GABRR3: variants seen among roughly 807,000 people sequenced by gnomAD.
The protein encoded by GABRR3 is gamma-aminobutyric acid receptor subunit rho-3.
In GABRR3, 29 loss-of-function variants were observed where a neutral mutation model predicts 43.2. That is an observed-to-expected ratio of 0.67 (90% CI 0.50 to 0.92). The LOEUF is 0.92. Among genes scored for constraint, GABRR3 ranks in the 40% least tolerant of loss-of-function variants. GABRR3 has a pLI of 0.00. For missense variants in GABRR3, 576 were observed against 572.3 expected (o/e 1.01, Z -0.07); for synonymous variants, 206 against 195.9 (o/e 1.05, Z -0.43).
At chr3:97,993,645 A>T (rs942086363) in intron 8 of GABRR3, among the ~76,000 whole-genome samples, 3 of 152,172 alleles carry the variant, frequency 2.0e-5, no homozygotes, top group African/African-American at 7.2e-5. Flanking sequence ...TAAGTGTGCT[A>T]GTAGGGGTTC....
intron 5 of GABRR3, 34 bp from the exon 6 acceptor site, chr3:98,009,072 T>G: frequency 2.4e-5 from 32 of 1,348,498 alleles, no homozygotes; most frequent in Non-Finnish European, 3.0e-5. Flanking sequence ...AAACTGCAGA[T>G]CATTTAACCA....
chr3:98,007,989 G>A (rs1559777127), intron 6 of GABRR3, 85 bp from the exon 7 acceptor site: 2 of 1,100,380 alleles, frequency 1.8e-6, no homozygotes, highest in East Asian at 2.6e-5. Context: ...ATGTGGCTCT[G>A]TATCCTTAGT....
chr3:98,021,295 CAG>C (rs1416377881), intron 3 of GABRR3, among the ~76,000 whole-genome samples: 2 of 152,216 alleles, frequency 1.3e-5, no homozygotes, highest in Non-Finnish European at 2.9e-5. Flanking sequence ...AACGCAGAAT[CAG>C]AGTTTGGGAG....
intron 2 of GABRR3, among the ~76,000 whole-genome samples, chr3:98,029,526 T>G (rs1391479394): frequency 6.6e-6 from 1 of 152,114 alleles, no homozygotes; most frequent in Non-Finnish European, 1.5e-5. Flanking sequence ...ATAAGTGGAA[T>G]GATAAAAAAT....
intron 9 of GABRR3, among the ~76,000 whole-genome samples, chr3:97,989,114 A>C (rs1706428280): frequency 7.0e-6 from 1 of 141,904 alleles, no homozygotes; most frequent in African/African-American, 2.7e-5. Flanking sequence ...ACGGTGGTAG[A>C]TGGTGGTGTT....
At chr3:98,004,111 C>T (rs77157470) in intron 7 of GABRR3, among the ~76,000 whole-genome samples, 1,934 of 152,092 alleles carry the variant, frequency 0.013, 42 homozygotes, top group African/African-American at 0.045. Context: ...AGTCCCAAGA[C>T]AAGAATAAAG....
intron 3 of GABRR3, among the ~76,000 whole-genome samples, chr3:98,024,745 G>C (rs1053386050): frequency 2.0e-5 from 3 of 152,218 alleles, no homozygotes; most frequent in Admixed American, 6.5e-5. Context: ...CTCCATCAAT[G>C]AAAGAAGAAT....
At chr3:98,012,305 A>G in intron 5 of GABRR3, 39 bp downstream of exon 5, 2 of 1,469,896 alleles carry the variant, frequency 1.4e-6, no homozygotes, top group Non-Finnish European at 1.9e-6. Flanking sequence ...AGATGGCTGC[A>G]GTACAGGGAA....
chr3:98,017,154 A>T (rs1209395781), intron 4 of GABRR3, among the ~76,000 whole-genome samples: 1 of 152,162 alleles, frequency 6.6e-6, no homozygotes, highest in Non-Finnish European at 1.5e-5. Context: ...GAGTAGACAA[A>T]TTTTTAATTA....
At position 98,020,482 on chromosome 3, in the gene GABRR3, G is replaced by GAAA. The variant is rs1209493201; in HGVS notation, c.239-2763_239-2761dup. Among the ~76,000 whole-genome samples the GAAA allele has an allele frequency of 1.3e-4, 16 of 119,476 alleles. No homozygotes were observed. The Admixed American group carries it at 1.3e-3, about 10-fold the overall frequency. The allele number at this position is 119,476 out of a possible 152,430, so 78.4% of individuals were successfully genotyped here. On this transcript the variant is annotated intron_variant, in intron 3 of 9. Transcript: ENST00000621172. ...CAAAAAAAAAAAAAAAAAAGGAAAA[G>GAAA]AAAAAGATACAGTGCTTCTCATCAT...
intron 8 of GABRR3, chr3:97,997,814 T>G (rs1353962094): frequency 6.6e-6 from 1 of 152,244 alleles, no homozygotes; most frequent in Non-Finnish European, 1.5e-5. Context: ...CATGAAATTT[T>G]ATATTTCACA....
chr3:98,026,760 G>A (rs909121278), intron 2 of GABRR3, among the ~76,000 whole-genome samples: 2 of 151,960 alleles, frequency 1.3e-5, no homozygotes, highest in Non-Finnish European at 2.9e-5. Flanking sequence ...AATTCACATC[G>A]GAAACCAATG....
At chr3:98,018,613 C>G (rs571004564) in intron 3 of GABRR3, among the ~76,000 whole-genome samples, 1 of 152,046 alleles carries the variant, frequency 6.6e-6, no homozygotes, top group Non-Finnish European at 1.5e-5. Context: ...TTTAGTTTTG[C>G]GATGGAAATT....
chr3:97,997,934 G>A (rs1706584475), intron 8 of GABRR3: 1 of 152,090 alleles, frequency 6.6e-6, no homozygotes, highest in Admixed American at 6.6e-5. Context: ...GCACTTTCAT[G>A]GAGCTAAATT....
intron 9 of GABRR3, among the ~76,000 whole-genome samples, chr3:97,989,117 G>C (rs1260799638): frequency 2.0e-5 from 3 of 151,164 alleles, no homozygotes; most frequent in African/African-American, 7.3e-5. Context: ...GTGGTAGATG[G>C]TGGTGTTGGA....
intron 2 of GABRR3, among the ~76,000 whole-genome samples, chr3:98,030,424 T>C (rs527874022): frequency 3.9e-5 from 6 of 152,284 alleles, no homozygotes; most frequent in East Asian, 3.9e-4. Context: ...ATGGTGTCTA[T>C]GAAGCAATGT....
chr3:98,004,206 T>A (rs1023134357), intron 7 of GABRR3, among the ~76,000 whole-genome samples: 3 of 152,116 alleles, frequency 2.0e-5, no homozygotes, highest in Admixed American at 2.0e-4. Context: ...ATCAAAATAA[T>A]GTGGATGAAA....
intron 7 of GABRR3, among the ~76,000 whole-genome samples, chr3:98,004,731 A>G (rs1303483322): frequency 1.3e-5 from 2 of 151,828 alleles, no homozygotes; most frequent in South Asian, 2.1e-4. Flanking sequence ...CTAAGGTCCT[A>G]TAACTATATT....
chr3:98,000,358 G>A (rs1025128841), intron 8 of GABRR3: 9 of 152,086 alleles, frequency 5.9e-5, no homozygotes, highest in African/African-American at 1.9e-4. Flanking sequence ...GTTCATAAAC[G>A]TTTATAGACT....
Sources: gnomAD v4.1 joint callset for allele counts (sites outside exome capture counted in the v4.1 genomes callset) on GRCh38, gnomAD v4.1.1 for gene constraint, MANE v1.5 for transcripts, NCBI Gene and HGNC (gene_info 2026-07-23, HGNC 2026-07-21) for gene names.